FRMD4A: variants seen among roughly 807,000 people sequenced by gnomAD.
The protein encoded by FRMD4A is FERM domain containing 4A.
In FRMD4A, 29 loss-of-function variants were observed where a neutral mutation model predicts 129.1. The ratio of observed to expected loss-of-function variants is 0.22; its 90% CI spans 0.17 to 0.31. The LOEUF (loss-of-function observed/expected upper bound fraction) is 0.31, where lower values mean the gene tolerates loss of function less well. Ranked by LOEUF, FRMD4A falls within the 10% of genes least tolerant of loss-of-function variation. FRMD4A has a pLI of 1.00. For missense variants in FRMD4A, 1,272 were observed against 1,375.8 expected, an observed-to-expected ratio of 0.92 and a Z score of 1.19; for synonymous variants, 634 against 571.6, an observed-to-expected ratio of 1.11 and a Z score of -1.56.
rs75055946 is a variant in FRMD4A, at chr10:13,850,457, G to A, written c.111+8390C>T. Among the ~76,000 whole-genome samples the A allele has an allele frequency of 6.2e-3, 951 of 152,290 alleles. 8 individuals are homozygous for A. Among genetic ancestry groups the A allele is most frequent in the African/African-American group, 0.021 (889 of 41,556 alleles). ...TTATTTCATCCACTGCTGTGGAAGTGTCTTCCACACCTGCTAGCCCGAGAC... is the reference window on the plus strand; with the variant it reads ...TTATTTCATCCACTGCTGTGGAAGTATCTTCCACACCTGCTAGCCCGAGAC... On this transcript the variant is annotated intron_variant, in intron 3 of 24. Transcript: ENST00000357447.
At chr10:13,954,704 G>C (rs2095397808) in intron 2 of FRMD4A, among the ~76,000 whole-genome samples, 1 of 152,136 alleles carries the variant, frequency 6.6e-6, no homozygotes, top group Admixed American at 6.5e-5. Flanking sequence ...CTCTGTGGCT[G>C]GCAGCCTGTG....
intron 12 of FRMD4A, among the ~76,000 whole-genome samples, chr10:13,713,951 A>G (rs1484045125): frequency 2.7e-5 from 3 of 110,566 alleles, no homozygotes; most frequent in Non-Finnish European, 5.7e-5. Flanking sequence ...TATGTAATAC[A>G]CACACATATA....
At chr10:13,960,967 A>G (rs1245114053) in intron 2 of FRMD4A, among the ~76,000 whole-genome samples, 1 of 152,210 alleles carries the variant, frequency 6.6e-6, no homozygotes, top group African/African-American at 2.4e-5. Context: ...TTAACTTTTT[A>G]TGAGTTAGAA....
rs978679037 is a variant in FRMD4A at position 14,088,267 on chromosome 10, C to G, written c.46-229355G>C. On this transcript the variant is annotated intron_variant, in intron 2 of 24. Transcript: ENST00000357447. ...TCTGAGACCAGCCTGGGCAACATGA[C>G]GAAACCCTGTCTCTATTTAAAAAAC... Among the ~76,000 whole-genome samples, 3 of 151,736 alleles carry G rather than the reference C, an allele frequency of 2.0e-5. No homozygotes were observed. In the East Asian group the frequency reaches 5.8e-4, roughly 29 times the overall value.
chr10:14,143,911 T>C (rs1839957886), intron 2 of FRMD4A, among the ~76,000 whole-genome samples: 1 of 152,204 alleles, frequency 6.6e-6, no homozygotes, highest in African/African-American at 2.4e-5. Flanking sequence ...GCCTGACCAA[T>C]GGTAAATTTT....
At position 13,715,959 on chromosome 10, in the gene FRMD4A, A is replaced by G. The variant is rs1224162145; in HGVS notation, c.760-8846T>C. On this transcript the variant is annotated intron_variant, in intron 12 of 24. Transcript: ENST00000357447. ...TGATTGTACACATTCCCCTCCGTCAATTACATACCAATATTATTGTTCAAG... is the reference window on the plus strand; with the variant it reads ...TGATTGTACACATTCCCCTCCGTCAGTTACATACCAATATTATTGTTCAAG... Among the ~76,000 whole-genome samples, 5 of 151,864 alleles carry G rather than the reference A, an allele frequency of 3.3e-5. No homozygotes were observed. In the East Asian group the frequency reaches 9.6e-4, roughly 29 times the overall value.
At chr10:14,262,212 T>A (rs1164134399) in intron 2 of FRMD4A, among the ~76,000 whole-genome samples, 4 of 152,174 alleles carry the variant, frequency 2.6e-5, no homozygotes, top group Admixed American at 2.6e-4. Flanking sequence ...AATTTCTATA[T>A]GAAAACTGAG....
intron 2 of FRMD4A, among the ~76,000 whole-genome samples, chr10:14,057,521 C>T (rs936729115): frequency 2.0e-5 from 3 of 152,140 alleles, no homozygotes; most frequent in Admixed American, 6.5e-5. Context: ...CATGCTGCAG[C>T]CAGTTTTGAA....
intron 2 of FRMD4A, among the ~76,000 whole-genome samples, chr10:14,164,192 C>T (rs1276109628): frequency 1.3e-5 from 2 of 152,234 alleles, no homozygotes. Context: ...TTTCGTCTAC[C>T]TTCTGAGGCA....
intron 2 of FRMD4A, among the ~76,000 whole-genome samples, chr10:13,879,489 G>A (rs1005573799): frequency 6.6e-6 from 1 of 151,920 alleles, no homozygotes; most frequent in Non-Finnish European, 1.5e-5. Flanking sequence ...CTCCATCCTG[G>A]GCAGCAGGGT....
intron 2 of FRMD4A, among the ~76,000 whole-genome samples, chr10:14,129,506 G>A (rs1839127851): frequency 6.7e-6 from 1 of 150,320 alleles, no homozygotes; most frequent in Non-Finnish European, 1.5e-5. Flanking sequence ...TAGCACCCAG[G>A]ACAGAAGCCT....
chr10:13,644,875 A>C lies in FRMD4A; in HGVS notation c.*2163T>G, dbSNP rs1182433709. ...CAAAAATATCCCCCAGTGAATCCCT[A>C]GAATCATTTAATAATGTAACCGGTA... is the stretch of plus-strand genomic sequence containing the variant. On this transcript the variant is annotated 3_prime_UTR_variant, in exon 25 of 25. Coordinates refer to ENST00000357447, the MANE Select transcript of FRMD4A (RefSeq NM_018027.5). 1 of 152,254 alleles carries C rather than the reference A, an allele frequency of 6.6e-6. No homozygotes were observed. Among genetic ancestry groups the C allele is most frequent in the East Asian group, 1.9e-4 (1 of 5,204 alleles). The allele number at this position is 152,254 out of a possible 1,614,324, so 9.4% of individuals were successfully genotyped here.
rs527777690 is a variant in FRMD4A at position 13,941,034 on chromosome 10, C to T, written c.46-82122G>A. Among the ~76,000 whole-genome samples, 80 of 152,232 alleles carry T rather than the reference C, an allele frequency of 5.3e-4. 1 individual carries two copies. Among genetic ancestry groups the T allele is most frequent in the African/African-American group, 1.4e-3 (59 of 41,526 alleles). ...GGGAAAGAGAGCAAGGATTGAAATC[C>T]TAGTATCCGAGAACCATGGGACTTG... On this transcript the variant is annotated intron_variant, in intron 2 of 24. Transcript: ENST00000357447.
chr10:14,159,762 A>C (rs1021075446), intron 2 of FRMD4A, among the ~76,000 whole-genome samples: 1 of 152,228 alleles, frequency 6.6e-6, no homozygotes, highest in Non-Finnish European at 1.5e-5. Context: ...AAATATACCA[A>C]ATGCTGGCTG....
intron 2 of FRMD4A, among the ~76,000 whole-genome samples, chr10:14,127,776 C>T (rs1400545235): frequency 6.6e-6 from 1 of 152,160 alleles, no homozygotes; most frequent in Non-Finnish European, 1.5e-5. Context: ...CTCAAAATAC[C>T]TTTGGTCCAT....
At position 13,693,997 on chromosome 10, in the gene FRMD4A, C is replaced by T. The variant is rs1184959398; in HGVS notation, c.1018G>A (p.Asp340Asn). ...TTCAGCGTCCCCGTCTCGGTCAGGT[C>T]GATGGCGATCTCACTCAGGCTGCGT... Reference protein sequence around the residue: ...AARSLSEIAIDLTETGTLKTS... With the variant: ...AARSLSEIAINLTETGTLKTS... The change falls in exon 15 of 25, where the codon GAC (aspartate) becomes AAC (asparagine). Residue 340 changes from aspartate to asparagine, a missense_variant. Asp to Asn is a conservative substitution (Grantham distance 23). Transcript: ENST00000357447. The T allele has an allele frequency of 5.2e-6, 8 of 1,537,958 alleles. No individual in the cohort carries two copies. The highest frequency in any genetic ancestry group is 7.0e-6 in the Non-Finnish European group (8 of 1,146,792).
chr10:14,256,002 T>C (rs1375759679), intron 2 of FRMD4A, among the ~76,000 whole-genome samples: 2 of 121,374 alleles, frequency 1.6e-5, no homozygotes, highest in Non-Finnish European at 1.7e-5. Flanking sequence ...CAAGCCTCCA[T>C]CTCAAAAAAA....
intron 2 of FRMD4A, among the ~76,000 whole-genome samples, chr10:14,104,993 A>G (rs1408455232): frequency 6.6e-6 from 1 of 152,220 alleles, no homozygotes; most frequent in Non-Finnish European, 1.5e-5. Flanking sequence ...CCACTGTGGC[A>G]GGACTTCTGG....
At chr10:14,078,653 G>A (rs923372678) in intron 2 of FRMD4A, among the ~76,000 whole-genome samples, 1 of 152,156 alleles carries the variant, frequency 6.6e-6, no homozygotes, top group African/African-American at 2.4e-5. Context: ...TATGTGTTTA[G>A]GTCATGGTGG....
Sources: gnomAD v4.1 joint callset for allele counts (sites outside exome capture counted in the v4.1 genomes callset) on GRCh38, gnomAD v4.1.1 for gene constraint, MANE v1.5 for transcripts, NCBI Gene and HGNC (gene_info 2026-07-23, HGNC 2026-07-21) for gene names.